The following CELF2 variants were observed in gnomAD, a reference collection of about 807,000 sequenced individuals.
CELF2 encodes the protein CUGBP Elav-like family member 2.
In CELF2, 8 loss-of-function variants were observed where a neutral mutation model predicts 62.6. That is an observed-to-expected ratio of 0.13 (90% CI 0.07 to 0.23). The LOEUF (loss-of-function observed/expected upper bound fraction) is 0.23. CELF2 is among the 10% of genes least tolerant of loss of function. CELF2 has a pLI of 1.00. For synonymous variants in CELF2, 258 were observed against 250.0 expected (o/e 1.03, Z -0.30); for missense variants, 333 against 671.0 (o/e 0.50, Z 5.56).
chr10:11,061,237 A>G (rs1041838490), intron 1 of CELF2, among the ~76,000 whole-genome samples: 3 of 152,228 alleles, frequency 2.0e-5, no homozygotes, highest in East Asian at 1.9e-4. Flanking sequence ...CTATATGGAG[A>G]AAATTGAAGT....
chr10:10,502,227 CAA>C, the CELF2 span, among the ~76,000 whole-genome samples: 2 of 151,362 alleles, frequency 1.3e-5, no homozygotes, highest in Non-Finnish European at 3.0e-5. Flanking sequence ...TTTTTTCTGT[CAA>C]TATGTTTGTT....
intron 1 of CELF2, among the ~76,000 whole-genome samples, chr10:11,023,778 G>T (rs1367180253): frequency 6.6e-6 from 1 of 152,188 alleles, no homozygotes; most frequent in Non-Finnish European, 1.5e-5. Context: ...TGAGATTTAC[G>T]CATTGGCCGT....
chr10:10,728,495 C>T, the CELF2 span, among the ~76,000 whole-genome samples: 1 of 146,146 alleles, frequency 6.8e-6, no homozygotes, highest in Non-Finnish European at 1.5e-5. Context: ...AAAATGCAAG[C>T]AAAGAAACAG....
the CELF2 span, among the ~76,000 whole-genome samples, chr10:10,679,770 G>A: frequency 6.6e-6 from 1 of 152,140 alleles, no homozygotes; most frequent in Non-Finnish European, 1.5e-5. Context: ...TAGATACATG[G>A]CACATGGTGA....
intron 2 of CELF2, among the ~76,000 whole-genome samples, chr10:11,203,120 A>G (rs1410195093): frequency 6.6e-6 from 1 of 152,086 alleles, no homozygotes; most frequent in South Asian, 2.1e-4. Flanking sequence ...GTCATTGGCA[A>G]TGATTGAGAA....
chr10:10,512,043 G>A, the CELF2 span, among the ~76,000 whole-genome samples: 1 of 152,212 alleles, frequency 6.6e-6, no homozygotes, highest in Non-Finnish European at 1.5e-5. Context: ...GTCAAAATCA[G>A]TATATTCCAG....
the CELF2 span, among the ~76,000 whole-genome samples, chr10:10,480,776 A>G: frequency 6.6e-6 from 1 of 152,232 alleles, no homozygotes; most frequent in African/African-American, 2.4e-5. Context: ...AAGTGCATAG[A>G]GAATCATCAA....
intron 1 of CELF2, among the ~76,000 whole-genome samples, chr10:10,870,660 C>G (rs879795703): frequency 6.6e-6 from 1 of 152,192 alleles, no homozygotes; most frequent in African/African-American, 2.4e-5. Flanking sequence ...AGTAAATTCT[C>G]TGGTTACACA....
chr10:10,644,996 G>A, the CELF2 span, among the ~76,000 whole-genome samples: 5 of 152,158 alleles, frequency 3.3e-5, no homozygotes, highest in East Asian at 9.6e-4. Context: ...GAGAGAAAGC[G>A]CCTCTCTCCC....
intron 1 of CELF2, among the ~76,000 whole-genome samples, chr10:10,832,609 G>A (rs1020376855): frequency 2.6e-5 from 4 of 152,218 alleles, no homozygotes; most frequent in East Asian, 1.9e-4. Flanking sequence ...CAGGTGAGTC[G>A]GTTCAATAAA....
the CELF2 span, among the ~76,000 whole-genome samples, chr10:10,733,903 C>T: frequency 6.6e-6 from 1 of 152,030 alleles, no homozygotes; most frequent in South Asian, 2.1e-4. Context: ...TTAAATTTAG[C>T]GACCCTCTTT....
At position 11,011,142 on chromosome 10, in the gene CELF2, G is replaced by A. The variant is rs930879280; in HGVS notation, c.53+5702G>A. ...AATCTGTATAATGGGAACAGATGTT[G>A]GAAGGAACAATAGACAATTTTAAAG... On this transcript the variant is annotated intron_variant, in intron 1 of 12. Coordinates refer to the CELF2 transcript ENST00000416382. The surrounding 1 kb of genome is among the most constrained non-coding windows in gnomAD (Gnocchi z 4.6). 1.3e-5 allele frequency: 2 copies of A among 151,742 alleles called. No individual in the cohort carries two copies. The highest frequency in any genetic ancestry group is 4.8e-5 in the African/African-American group (2 of 41,282). The allele number at this position is 151,742 out of a possible 1,614,324, so 9.4% of individuals were successfully genotyped here.
chr10:11,309,828 A>G lies in CELF2; in HGVS notation c.977-4311A>G, dbSNP rs925060640. Among the ~76,000 whole-genome samples, 4 of 152,220 alleles carry G rather than the reference A, an allele frequency of 2.6e-5. No homozygotes were observed. Among genetic ancestry groups the G allele is most frequent in the Non-Finnish European group, 4.4e-5 (3 of 68,038 alleles). On this transcript the variant is annotated intron_variant, in intron 9 of 12. Coordinates refer to ENST00000633077, the MANE Select transcript of CELF2 (RefSeq NM_001326342.2). This position sits in a 1 kb window ranked among gnomAD's most constrained non-coding sequence, Gnocchi z 5.6. ...CAACAAAATTTATCTTGTTTCTGAC[A>G]GTGCCTGAGGTTTGAACTTTCCTAT...
the CELF2 span, among the ~76,000 whole-genome samples, chr10:10,733,830 A>G: frequency 6.6e-6 from 1 of 152,210 alleles, no homozygotes; most frequent in Non-Finnish European, 1.5e-5. Flanking sequence ...TATGGGAACT[A>G]CAATTCAAGA....
In CELF2 at chr10:11,197,071, G is replaced by A. The variant is rs796348618; in HGVS notation, c.272-20354G>A. Among the ~76,000 whole-genome samples, 166 of 66,042 alleles carry A rather than the reference G, an allele frequency of 2.5e-3. 12 individuals are homozygous for A. The highest frequency in any genetic ancestry group is 0.011 in the African/African-American group (146 of 12,776). 43.3% of individuals were successfully genotyped at this position (66,042 alleles called of 152,430 possible). On this transcript the variant is annotated intron_variant, in intron 2 of 12. Coordinates refer to ENST00000633077, the MANE Select transcript of CELF2 (RefSeq NM_001326342.2). ...AAAGAAAGAAAGAAAAGAAAGAAAG[G>A]AAAGAAAGAAAGAAGAAAGAAAGAA...
At chr10:10,534,334 T>A in the CELF2 span, among the ~76,000 whole-genome samples, 1 of 151,022 alleles carries the variant, frequency 6.6e-6, no homozygotes, top group Non-Finnish European at 1.5e-5. Flanking sequence ...AATAGCAAAA[T>A]AATTTGAGGC....
rs2088408222 is a variant in CELF2 at position 11,280,993 on chromosome 10, T to TGTGTGTGC, written c.841+5880_841+5881insCGTGTGTG. On this transcript the variant is annotated intron_variant, in intron 8 of 12. Coordinates refer to ENST00000633077, the MANE Select transcript of CELF2 (RefSeq NM_001326342.2). This position sits in a 1 kb window ranked among gnomAD's most constrained non-coding sequence, Gnocchi z 7.6. ...GTGCGTGTGCATGCCTGTGTGCGTGTGTGTGTGTGTGTGTGTGTGTGTGTG... is the reference window on the plus strand; with the variant it reads ...GTGCGTGTGCATGCCTGTGTGCGTGTGTGTGTGCGTGTGTGTGTGTGTGTGTGTGTGTG... Among the ~76,000 whole-genome samples, 1 of 146,772 alleles carries TGTGTGTGC rather than the reference T, an allele frequency of 6.8e-6. No homozygotes were observed. The highest frequency in any genetic ancestry group is 2.6e-5 in the African/African-American group (1 of 38,448).
chr10:10,873,597 T>C (rs1326113273), intron 1 of CELF2, among the ~76,000 whole-genome samples: 1 of 152,236 alleles, frequency 6.6e-6, no homozygotes, highest in African/African-American at 2.4e-5. Context: ...ACCAAGGCTC[T>C]CCTATTCAAA....
intron 1 of CELF2, among the ~76,000 whole-genome samples, chr10:11,054,426 A>T (rs1313048104): frequency 3.9e-5 from 6 of 152,068 alleles, no homozygotes; most frequent in Admixed American, 2.0e-4. Flanking sequence ...GGATATTTTT[A>T]AAAAATCTAT....
Sources: gnomAD v4.1 joint callset for allele counts (sites outside exome capture counted in the v4.1 genomes callset) on GRCh38, gnomAD v4.1.1 for gene constraint, Gnocchi (gnomAD v3.1) non-coding constraint, MANE v1.5 for transcripts, NCBI Gene and HGNC (gene_info 2026-07-23, HGNC 2026-07-21) for gene names.